CATSPERE: variants seen among roughly 807,000 people sequenced by gnomAD.
CATSPERE encodes the protein cation channel sperm-associated auxiliary subunit epsilon.
Under a neutral mutation model 114.1 loss-of-function variants are expected in CATSPERE, and 93 were observed. That is an observed-to-expected ratio of 0.81 (90% CI 0.69 to 0.97). The LOEUF (loss-of-function observed/expected upper bound fraction) is 0.97. Ranked by LOEUF, CATSPERE falls within the 50% of genes least tolerant of loss-of-function variation. The pLI, the probability that CATSPERE is intolerant of heterozygous loss-of-function variation, is 0.00. For synonymous variants in CATSPERE, 341 were observed against 384.1 expected, an observed-to-expected ratio of 0.89 and a Z score of 1.31; for missense variants, 1,058 against 1,131.6, an observed-to-expected ratio of 0.93 and a Z score of 0.93.
intron 6 of CATSPERE, among the ~76,000 whole-genome samples, chr1:244,491,822 A>G (rs570775561): frequency 1.2e-4 from 18 of 152,310 alleles, no homozygotes; most frequent in African/African-American, 3.4e-4. Flanking sequence ...ACACCTCTAC[A>G]CAAATAAACT....
chr1:244,572,306 CA>C, intron 10 of CATSPERE, 23 bp from the exon 11 acceptor site: 1 of 1,190,798 alleles, frequency 8.4e-7, no homozygotes, highest in Non-Finnish European at 1.2e-6. Context: ...CTTAGACTAA[CA>C]CAAACTTTTC....
intron 8 of CATSPERE, among the ~76,000 whole-genome samples, chr1:244,535,808 A>G (rs1320315342): frequency 6.6e-6 from 1 of 151,710 alleles, no homozygotes; most frequent in East Asian, 1.9e-4. Context: ...AGTCCCTTTT[A>G]CTCTTCCTTC....
rs186958500 is a variant in CATSPERE, at chr1:244,477,099, G to A, written c.115-442G>A. 7.2e-5 allele frequency among the ~76,000 whole-genome samples: 11 copies of A among 152,196 alleles called. No individual in the cohort carries two copies. In the East Asian group the frequency reaches 1.9e-3, roughly 27 times the overall value. On this transcript the variant is annotated intron_variant, in intron 2 of 21. Coordinates refer to ENST00000366534, the MANE Select transcript of CATSPERE (RefSeq NM_001130957.2). ...CAACCTCTGCCTCCCAGGTTCAAGC[G>A]ATTCTCCTGCTTCAGCCTCCTGAGT...
At chr1:244,605,240 G>A (rs529754313) in intron 17 of CATSPERE, among the ~76,000 whole-genome samples, 1 of 151,986 alleles carries the variant, frequency 6.6e-6, no homozygotes, top group Non-Finnish European at 1.5e-5. Flanking sequence ...AAGACAACAG[G>A]GCATCCTGCT....
intron 5 of CATSPERE, among the ~76,000 whole-genome samples, chr1:244,484,404 A>C (rs1670690343): frequency 6.6e-6 from 1 of 152,190 alleles, no homozygotes; most frequent in Non-Finnish European, 1.5e-5. Context: ...CACTGATAAC[A>C]CCCACTTCTG....
At chr1:244,453,776 T>C (rs934497641), upstream of CATSPERE, among the ~76,000 whole-genome samples, 1 of 151,974 alleles carries the variant, frequency 6.6e-6, no homozygotes, top group Non-Finnish European at 1.5e-5. Flanking sequence ...GGTGTCTGGA[T>C]TGGTGAGTAT....
intron 5 of CATSPERE, among the ~76,000 whole-genome samples, 164 bp from the exon 6 acceptor site, chr1:244,490,283 A>G (rs1671807755): frequency 6.6e-6 from 1 of 152,214 alleles, no homozygotes; most frequent in South Asian, 2.1e-4. Context: ...AAATAAATAG[A>G]CATGTGATTT....
At chr1:244,545,344 T>C (rs1184150566) in intron 8 of CATSPERE, among the ~76,000 whole-genome samples, 2 of 152,182 alleles carry the variant, frequency 1.3e-5, no homozygotes, top group Admixed American at 6.5e-5. Flanking sequence ...TATTCCTCAT[T>C]TGGGATTGTT....
intron 19 of CATSPERE, among the ~76,000 whole-genome samples, chr1:244,615,485 C>T (rs926577879): frequency 4.0e-5 from 6 of 151,314 alleles, no homozygotes; most frequent in Admixed American, 6.6e-5. Context: ...CAAACGTAGG[C>T]GGTGTAGCCT....
At chr1:244,489,475 T>C (rs1270308518) in intron 5 of CATSPERE, among the ~76,000 whole-genome samples, 1 of 82,500 alleles carries the variant, frequency 1.2e-5, no homozygotes, top group African/African-American at 4.8e-5. Context: ...TTTTTTTTTT[T>C]TTTTTTGGTG....
At chr1:244,629,234 G>T (rs2148741059) in intron 20 of CATSPERE, among the ~76,000 whole-genome samples, 1 of 152,302 alleles carries the variant, frequency 6.6e-6, no homozygotes. Flanking sequence ...TAGGTCATAA[G>T]AGTCAGATCT....
chr1:244,518,652 G>C lies in CATSPERE; in HGVS notation c.490G>C (p.Val164Leu). 1 of 1,590,196 alleles carries C rather than the reference G, an allele frequency of 6.3e-7. No individual in the cohort carries two copies. The highest frequency in any genetic ancestry group is 1.2e-5 in the South Asian group (1 of 85,714). The part of the protein sequence containing the change: ...TLGQKPVIHT[V>L]LKRKVYSSNE... ...GGGACAGAAGCCTGTCATACATACA[G>C]TTCTGAAGAGAAAAGTTTATTCTTC... The change falls in exon 8 of 22, where the codon GTT becomes CTT. Residue 164 changes from valine (V) to leucine (L), a missense_variant. Around this residue, in one of 2 missense-constraint regions of CATSPERE, gnomAD observed 271 missense variants for 225.9 expected, o/e 1.20. Coordinates refer to ENST00000366534, the MANE Select transcript of CATSPERE (RefSeq NM_001130957.2).
intron 10 of CATSPERE, among the ~76,000 whole-genome samples, chr1:244,569,174 C>T (rs1307771095): frequency 1.3e-5 from 2 of 152,142 alleles, no homozygotes; most frequent in Admixed American, 6.5e-5. Flanking sequence ...CTCGTGGCTT[C>T]CCTTGGCTAG....
chr1:244,490,806 A>G (rs1671971193), intron 6 of CATSPERE, among the ~76,000 whole-genome samples: 1 of 152,176 alleles, frequency 6.6e-6, no homozygotes, highest in Admixed American at 6.5e-5. Context: ...ATCCATTCTT[A>G]CTGATATTTT....
intron 5 of CATSPERE, among the ~76,000 whole-genome samples, chr1:244,484,236 C>T (rs968835304): frequency 5.3e-5 from 8 of 152,100 alleles, no homozygotes; most frequent in African/African-American, 1.9e-4. Flanking sequence ...TAGAAGTACC[C>T]ACCCCACTCC....
chr1:244,477,539 AG>A lies in CATSPERE; in HGVS notation c.115-1del. On this transcript the variant is annotated splice_acceptor_variant, in intron 2 of 21. Transcript: ENST00000366534. LOFTEE classifies it high-confidence loss of function. ...TGTTCGAACTCTTGTTTTCTTTTTT[AG>A]ATTAAGTTAGAGTATGAAGGAACAT... is the stretch of plus-strand genomic sequence containing the variant. The A allele has an allele frequency of 6.4e-7, 1 of 1,555,062 alleles. No individual in the cohort carries two copies. The highest frequency in any genetic ancestry group is 1.7e-5 in the Admixed American group (1 of 57,294).
chr1:244,598,101 TC>T (rs1405702536), intron 17 of CATSPERE, among the ~76,000 whole-genome samples: 2 of 152,156 alleles, frequency 1.3e-5, no homozygotes, highest in Non-Finnish European at 2.9e-5. Flanking sequence ...GTTACACACA[TC>T]TAAATTAAAA....
Position 244,490,429 on chromosome 1 carries a change from T to A in CATSPERE, c.327-18T>A. ...AACAGGCTGTTTACTAAAATATGTT[T>A]CCTCTTTTTCCAAGCAGACATTTCT... On this transcript the variant is annotated intron_variant, in intron 5 of 21. Coordinates refer to ENST00000366534, the MANE Select transcript of CATSPERE (RefSeq NM_001130957.2). The A allele has an allele frequency of 6.5e-7, 1 of 1,528,736 alleles. No homozygotes were observed. The highest frequency in any genetic ancestry group is 9.0e-7 in the Non-Finnish European group (1 of 1,109,756). The allele number at this position is 1,528,736 out of a possible 1,614,324, so 94.7% of individuals were successfully genotyped here.
chr1:244,517,276 A>G (rs1318043203), intron 7 of CATSPERE, among the ~76,000 whole-genome samples: 2 of 151,648 alleles, frequency 1.3e-5, no homozygotes, highest in African/African-American at 2.4e-5. Flanking sequence ...TTTTCCTACA[A>G]TCTTCTTATA....
Sources: allele counts gnomAD v4.1 joint callset (sites outside exome capture counted in the v4.1 genomes callset), GRCh38; gene constraint gnomAD v4.1.1; regional missense constraint gnomAD v4.1.1; transcripts MANE v1.5; gene names NCBI Gene and HGNC (gene_info 2026-07-23, HGNC 2026-07-21).